HMBOX1: variants seen among roughly 807,000 people sequenced by gnomAD.
HMBOX1 encodes homeobox-containing protein 1.
In HMBOX1, 14 loss-of-function variants were observed where a neutral mutation model predicts 54.5. The observed-to-expected ratio is 0.26, with a 90% CI of 0.17 to 0.40. HMBOX1 has a LOEUF of 0.40. HMBOX1 is among the 10% of genes least tolerant of loss of function. The pLI, the probability that HMBOX1 is intolerant of heterozygous loss-of-function variation, is 1.00. For missense variants in HMBOX1, 332 were observed against 514.4 expected (o/e 0.65, Z 3.43); for synonymous variants, 160 against 181.0 (o/e 0.88, Z 0.93).
Position 29,052,723 on chromosome 8 carries a change from T to TAAG in HMBOX1, c.*1570_*1572dup, listed in dbSNP as rs1806552584. 6.6e-6 allele frequency: 1 copy of TAAG among 152,126 alleles called. No homozygotes were observed. The highest frequency in any genetic ancestry group is 1.5e-5 in the Non-Finnish European group (1 of 68,032). The allele number at this position is 152,126 out of a possible 1,614,324, so 9.4% of individuals were successfully genotyped here. On this transcript the variant is annotated 3_prime_UTR_variant, in exon 10 of 10. Coordinates refer to ENST00000287701, the MANE Select transcript of HMBOX1 (RefSeq NM_001135726.3). Reference sequence around the variant, plus strand: ...TTAAATGACACACTGTCACTGTGGGTAAGAGGAAAGAGCCTTCAATGTAGC... The same window carrying TAAG: ...TTAAATGACACACTGTCACTGTGGGTAAGAAGAGGAAAGAGCCTTCAATGTAGC...
chr8:29,027,965 A>C (rs1802333539), intron 6 of HMBOX1, among the ~76,000 whole-genome samples: 1 of 152,180 alleles, frequency 6.6e-6, no homozygotes, highest in African/African-American at 2.4e-5. Context: ...AATTCTGTCC[A>C]TGGTCATCTT....
chr8:28,911,958 A>C (rs942176061), intron 1 of HMBOX1, among the ~76,000 whole-genome samples: 1 of 152,166 alleles, frequency 6.6e-6, no homozygotes, highest in Non-Finnish European at 1.5e-5. Flanking sequence ...TAAAAACTAT[A>C]CTTCATATTT....
At chr8:28,959,859 A>C (rs2132229708) in intron 1 of HMBOX1, among the ~76,000 whole-genome samples, 1 of 152,054 alleles carries the variant, frequency 6.6e-6, no homozygotes, top group Middle Eastern at 3.4e-3. Context: ...TTTTTTGGTC[A>C]ATTTTGATAT....
intron 4 of HMBOX1, among the ~76,000 whole-genome samples, chr8:28,997,393 A>G (rs1832023884): frequency 6.6e-6 from 1 of 152,120 alleles, no homozygotes; most frequent in Admixed American, 6.5e-5. Flanking sequence ...ATGTGACTGT[A>G]TTACATTGAT....
chr8:28,922,976 T>C (rs908296117), intron 1 of HMBOX1, among the ~76,000 whole-genome samples: 33 of 152,212 alleles, frequency 2.2e-4, no homozygotes, highest in Non-Finnish European at 1.2e-4. Flanking sequence ...TTTTTTGTAC[T>C]TGTTCTTTTG....
At chr8:28,932,261 T>C (rs1250633245) in intron 1 of HMBOX1, among the ~76,000 whole-genome samples, 1 of 152,208 alleles carries the variant, frequency 6.6e-6, no homozygotes, top group Non-Finnish European at 1.5e-5. Context: ...TAAGGCAGTA[T>C]AGATCATGAG....
chr8:28,906,429 A>G, intron 1 of HMBOX1, among the ~76,000 whole-genome samples: 1 of 152,254 alleles, frequency 6.6e-6, no homozygotes, highest in Middle Eastern at 3.4e-3. Context: ...CACTGTATAA[A>G]AAGTTATTTT....
intron 2 of HMBOX1, among the ~76,000 whole-genome samples, chr8:28,966,983 G>A (rs1826543059): frequency 6.6e-6 from 1 of 152,222 alleles, no homozygotes; most frequent in African/African-American, 2.4e-5. Context: ...ATTGGAACAA[G>A]GGATGTGAGT....
At chr8:28,983,489 TCCTTGCAGA>T (rs1829720321) in intron 4 of HMBOX1, among the ~76,000 whole-genome samples, 1 of 152,232 alleles carries the variant, frequency 6.6e-6, no homozygotes, top group African/African-American at 2.4e-5. Context: ...ACCAATTTAG[TCCTTGCAGA>T]CCTCTCTTTT....
intron 6 of HMBOX1, among the ~76,000 whole-genome samples, chr8:29,039,236 C>T (rs554170722): frequency 4.6e-5 from 7 of 152,116 alleles, no homozygotes; most frequent in Admixed American, 1.3e-4. Flanking sequence ...GCCAATTGCC[C>T]GGTATAAACT....
chr8:28,894,330 A>G (rs1264978248), intron 1 of HMBOX1, among the ~76,000 whole-genome samples: 2 of 152,186 alleles, frequency 1.3e-5, no homozygotes, highest in African/African-American at 2.4e-5. Flanking sequence ...GTGTATATCT[A>G]TCAGACATGC....
At chr8:28,977,291 T>C (rs1183577570) in intron 3 of HMBOX1, among the ~76,000 whole-genome samples, 1 of 152,206 alleles carries the variant, frequency 6.6e-6, no homozygotes, top group Non-Finnish European at 1.5e-5. Flanking sequence ...TTAATTCTTT[T>C]CCCCCACAAA....
At chr8:28,968,604 C>T (rs1826851219) in intron 2 of HMBOX1, among the ~76,000 whole-genome samples, 1 of 152,138 alleles carries the variant, frequency 6.6e-6, no homozygotes, top group African/African-American at 2.4e-5. Context: ...ATGTGAAATT[C>T]GTACCCAGTT....
intron 1 of HMBOX1, among the ~76,000 whole-genome samples, chr8:28,942,851 G>A (rs1401250185): frequency 6.6e-6 from 1 of 152,136 alleles, no homozygotes; most frequent in African/African-American, 2.4e-5. Flanking sequence ...GCTTATGAGT[G>A]TATCTGTAGC....
chr8:29,019,844 C>A (rs190735980), intron 6 of HMBOX1, among the ~76,000 whole-genome samples: 51 of 152,310 alleles, frequency 3.3e-4, no homozygotes, highest in Non-Finnish European at 5.9e-4. Context: ...AACTTCACTA[C>A]CTGAAAGAGA....
At chr8:28,973,535 A>G (rs1827798218) in intron 3 of HMBOX1, among the ~76,000 whole-genome samples, 1 of 152,112 alleles carries the variant, frequency 6.6e-6, no homozygotes, top group Admixed American at 6.6e-5. Flanking sequence ...TGAGCAGTGG[A>G]TCTTTCTGAG....
At chr8:29,039,012 A>G (rs899661126) in intron 6 of HMBOX1, among the ~76,000 whole-genome samples, 4 of 152,298 alleles carry the variant, frequency 2.6e-5, no homozygotes, top group Admixed American at 2.6e-4. Context: ...TCTGCCTGAC[A>G]GCATTTCCCT....
Position 29,051,832 on chromosome 8 carries a change from T to G in HMBOX1, c.*677T>G. On this transcript the variant is annotated 3_prime_UTR_variant, in exon 10 of 10. Coordinates refer to ENST00000287701, the MANE Select transcript of HMBOX1 (RefSeq NM_001135726.3). ...TCCTCTCACAAGCTGTGTGACTTAG[T>G]AGATAAAATACTGCCTTCTGCCTTT... The G allele has an allele frequency of 2.4e-6, 1 of 422,208 alleles. No homozygotes were observed. The highest frequency in any genetic ancestry group is 4.3e-6 in the Non-Finnish European group (1 of 234,338). The allele number at this position is 422,208 out of a possible 1,614,324, so 26.2% of individuals were successfully genotyped here.
chr8:28,929,563 A>G (rs1819114208), intron 1 of HMBOX1, among the ~76,000 whole-genome samples: 1 of 152,156 alleles, frequency 6.6e-6, no homozygotes, highest in South Asian at 2.1e-4. Context: ...AATAGCTTCA[A>G]GGTCTGGCTT....
Sources: gnomAD v4.1 joint callset for allele counts (sites outside exome capture counted in the v4.1 genomes callset) on GRCh38, gnomAD v4.1.1 for gene constraint, MANE v1.5 for transcripts, NCBI Gene and HGNC (gene_info 2026-07-23, HGNC 2026-07-21) for gene names.